The following ADAP2 variants were observed in gnomAD, a reference collection of about 807,000 sequenced individuals.
The protein encoded by ADAP2 is ArfGAP with dual PH domains 2.
Under a neutral mutation model 54.9 loss-of-function variants are expected in ADAP2, and 42 were observed. That is an observed-to-expected ratio of 0.77 (90% CI 0.60 to 0.99). The LOEUF (loss-of-function observed/expected upper bound fraction) is 0.99. Ranked by LOEUF, ADAP2 falls within the 50% of genes least tolerant of loss-of-function variation. The pLI is 0.00. For synonymous variants in ADAP2, 177 were observed against 180.1 expected, an observed-to-expected ratio of 0.98 and a Z score of 0.14; for missense variants, 429 against 480.4, an observed-to-expected ratio of 0.89 and a Z score of 1.00.
intron 9 of ADAP2, among the ~76,000 whole-genome samples, chr17:30,955,224 C>T (rs1255884190): frequency 2.0e-5 from 3 of 151,608 alleles, no homozygotes; most frequent in Admixed American, 6.6e-5. Context: ...ATCTTCCTGC[C>T]TCAGCCTCCT....
chr17:30,951,499 T>A (rs907640441), intron 7 of ADAP2, among the ~76,000 whole-genome samples: 11 of 151,618 alleles, frequency 7.3e-5, no homozygotes, highest in Admixed American at 2.0e-4. Context: ...ACATTAAAAA[T>A]TTTTTTTTAA....
chr17:30,922,959 C>A lies in ADAP2; in HGVS notation c.114C>A (p.Tyr38Ter). 3.1e-6 allele frequency: 5 copies of A among 1,613,958 alleles called. No individual in the cohort carries two copies. Among genetic ancestry groups the A allele is most frequent in the Non-Finnish European group, 4.2e-6 (5 of 1,179,964 alleles). The change falls in exon 2 of 11, where the codon TAC becomes TAA. Residue 38 changes from tyrosine (Y) to a stop codon, truncating the protein, a stop_gained. Coordinates refer to ENST00000330889, the MANE Select transcript of ADAP2 (RefSeq NM_018404.3). LOFTEE classifies it high-confidence loss of function. ...CGAADPDWAS[Y>*]KLGIFICLNC... is the part of the protein sequence containing the mutation. ...CTGCAGATCCCGACTGGGCCTCTTA[C>A]AAGCTGGGGATCTTCATCTGTCTCA...
chr17:30,925,000 G>A lies in ADAP2; in HGVS notation c.226-1827G>A, dbSNP rs185300248. Among the ~76,000 whole-genome samples, 44 of 151,426 alleles carry A rather than the reference G, an allele frequency of 2.9e-4. 1 individual carries two copies. Among genetic ancestry groups the A allele is most frequent in the Non-Finnish European group, 1.8e-4 (12 of 67,904 alleles). Reference sequence around the variant, plus strand: ...CGATTCTTGTGCCTCAGCCTTCTGAGTAACTAGGATTACAGGCATGCACCA... The same window carrying A: ...CGATTCTTGTGCCTCAGCCTTCTGAATAACTAGGATTACAGGCATGCACCA... On this transcript the variant is annotated intron_variant, in intron 2 of 10. Transcript: ENST00000330889.
intron 3 of ADAP2, among the ~76,000 whole-genome samples, chr17:30,928,568 A>G (rs1351946522): frequency 6.6e-6 from 1 of 152,168 alleles, no homozygotes. Flanking sequence ...GCATGTATTT[A>G]TTTAATTCTT....
intron 3 of ADAP2, among the ~76,000 whole-genome samples, chr17:30,929,056 A>G (rs1456512824): frequency 3.9e-5 from 6 of 152,208 alleles, no homozygotes; most frequent in African/African-American, 1.4e-4. Context: ...TTAGACAATT[A>G]AGAGCTAGTA....
chr17:30,926,998 T>C, intron 3 of ADAP2, 80 bp downstream of exon 3: 2 of 1,124,170 alleles, frequency 1.8e-6, no homozygotes, highest in Non-Finnish European at 2.7e-6. Context: ...TTTGGTGTCT[T>C]CATCTGTGGT....
chr17:30,956,165 C>T, intron 9 of ADAP2, 76 bp from the exon 10 acceptor site: 4 of 1,370,666 alleles, frequency 2.9e-6, no homozygotes, highest in Non-Finnish European at 4.1e-6. Context: ...CAAAATAAAG[C>T]TTGGAGGCTG....
At chr17:30,944,778 T>C (rs1567722619) in intron 5 of ADAP2, 129 bp from the exon 6 acceptor site, 1 of 987,406 alleles carries the variant, frequency 1.0e-6, no homozygotes, top group Non-Finnish European at 1.5e-6. Flanking sequence ...AATTTCGATA[T>C]GAGAGCAAGA....
In ADAP2 at chr17:30,946,362, G is replaced by A. The variant is rs932739270; in HGVS notation, c.657+1309G>A. 3.6e-4 allele frequency among the ~76,000 whole-genome samples: 54 copies of A among 151,664 alleles called. 1 individual carries two copies. Among genetic ancestry groups the A allele is most frequent in the Non-Finnish European group, 5.9e-4 (40 of 67,904 alleles). Reference sequence around the variant, plus strand: ...ATCCTCTTGCCTCAGCCTCCCGAGTGGCTGAGATCACACCCAGCTAATTTT... The same window carrying A: ...ATCCTCTTGCCTCAGCCTCCCGAGTAGCTGAGATCACACCCAGCTAATTTT... On this transcript the variant is annotated intron_variant, in intron 6 of 10. Transcript: ENST00000330889.
At chr17:30,943,550 T>C (rs1484421522) in intron 5 of ADAP2, among the ~76,000 whole-genome samples, 1 of 151,700 alleles carries the variant, frequency 6.6e-6, no homozygotes, top group South Asian at 2.1e-4. Flanking sequence ...TACACAGCCA[T>C]AAAAAAGAAT....
chr17:30,956,204 G>T, intron 9 of ADAP2, 37 bp from the exon 10 acceptor site: 1 of 1,602,752 alleles, frequency 6.2e-7, no homozygotes, highest in South Asian at 1.1e-5. Flanking sequence ...TCTGCCCTGG[G>T]GGCACCCTCT....
intron 6 of ADAP2, among the ~76,000 whole-genome samples, chr17:30,946,264 G>T (rs1413555559): frequency 1.3e-5 from 2 of 151,954 alleles, no homozygotes. Flanking sequence ...ATGGAATCTT[G>T]CTCTATTGCC....
chr17:30,956,461 A>C lies in ADAP2; in HGVS notation c.1103A>C (p.Asn368Thr). The change falls in exon 10 of 11, where the codon AAC (asparagine) becomes ACC (threonine). Residue 368 changes from asparagine to threonine, a missense_variant. Transcript: ENST00000330889. ...CTGTCCAGCCCCTTGACGCCCCTCAACCGGCTTAGTAAGAAGCAGGAACTG... is the reference window on the plus strand; with the variant it reads ...CTGTCCAGCCCCTTGACGCCCCTCACCCGGCTTAGTAAGAAGCAGGAACTG... The part of the protein sequence containing the change: ...GVLSSPLTPL[N>T]RLTASTESGR... 2 of 1,614,102 alleles carry C rather than the reference A, an allele frequency of 1.2e-6. No homozygotes were observed. The highest frequency in any genetic ancestry group is 1.7e-6 in the Non-Finnish European group (2 of 1,179,996).
intron 5 of ADAP2, among the ~76,000 whole-genome samples, chr17:30,939,054 C>T (rs1225399170): frequency 2.6e-5 from 4 of 152,108 alleles, no homozygotes; most frequent in Non-Finnish European, 5.9e-5. Flanking sequence ...GAATCTTTAC[C>T]CTCCAAGTTA....
chr17:30,951,849 G>C (rs1422284399), intron 7 of ADAP2, among the ~76,000 whole-genome samples: 1 of 148,746 alleles, frequency 6.7e-6, no homozygotes, highest in East Asian at 2.0e-4. Flanking sequence ...TGGAGACGGG[G>C]TTTCACCGTG....
At chr17:30,951,741 C>T (rs551528557) in intron 7 of ADAP2, among the ~76,000 whole-genome samples, 7 of 151,358 alleles carry the variant, frequency 4.6e-5, no homozygotes, top group African/African-American at 7.3e-5. Flanking sequence ...CTGCAAGCTC[C>T]GCCTCCCAGG....
intron 2 of ADAP2, 124 bp downstream of exon 2, chr17:30,923,194 A>C (rs1910771285): frequency 9.0e-7 from 1 of 1,116,718 alleles, no homozygotes; most frequent in East Asian, 2.4e-5. Flanking sequence ...TAGCTAGAGG[A>C]AACACAGCTT....
intron 8 of ADAP2, among the ~76,000 whole-genome samples, chr17:30,953,774 C>T (rs1389167794): frequency 1.3e-5 from 2 of 151,994 alleles, no homozygotes; most frequent in Non-Finnish European, 2.9e-5. Flanking sequence ...TGACCTCAAG[C>T]GATCTGCCCA....
chr17:30,940,367 C>T (rs1043220467), intron 5 of ADAP2, among the ~76,000 whole-genome samples: 10 of 151,670 alleles, frequency 6.6e-5, no homozygotes, highest in Non-Finnish European at 7.4e-5. Context: ...TACAGTGGCA[C>T]GATCTCGGCT....
Sources: gnomAD v4.1 joint callset for allele counts (sites outside exome capture counted in the v4.1 genomes callset) on GRCh38, gnomAD v4.1.1 for gene constraint, MANE v1.5 for transcripts, NCBI Gene and HGNC (gene_info 2026-07-23, HGNC 2026-07-21) for gene names.